GLI3: variants seen among roughly 807,000 people sequenced by gnomAD.
The protein encoded by GLI3 is transcription activator GLI3.
In GLI3, 20 loss-of-function variants were observed where a neutral mutation model predicts 100.8. The ratio of observed to expected loss-of-function variants is 0.20; its 90% confidence interval spans 0.14 to 0.29. The LOEUF (loss-of-function observed/expected upper bound fraction) is 0.29, where lower values mean the gene tolerates loss of function less well. Ranked by LOEUF, GLI3 falls within the 10% of genes least tolerant of loss-of-function variation. The pLI is 1.00. For missense variants in GLI3, 2,040 were observed against 2,128.5 expected (o/e 0.96, Z 0.82); for synonymous variants, 938 against 860.5 (o/e 1.09, Z -1.58).
intron 1 of GLI3, among the ~76,000 whole-genome samples, chr7:42,235,376 G>A (rs1180931054): frequency 3.3e-5 from 5 of 152,176 alleles, no homozygotes; most frequent in Non-Finnish European, 5.9e-5. Flanking sequence ...GAGGATGAAT[G>A]GTTCCTGCCT....
At chr7:42,053,737 G>C (rs1784397905) in intron 4 of GLI3, among the ~76,000 whole-genome samples, 1 of 152,184 alleles carries the variant, frequency 6.6e-6, no homozygotes, top group Non-Finnish European at 1.5e-5. Flanking sequence ...ACAAACCAGG[G>C]AGGAAAGAAC....
At chr7:42,111,939 A>C (rs1334178216) in intron 3 of GLI3, among the ~76,000 whole-genome samples, 1 of 152,198 alleles carries the variant, frequency 6.6e-6, no homozygotes, top group African/African-American at 2.4e-5. Context: ...CCTAGTGCTT[A>C]GCTCCAGGGT....
At chr7:42,148,771 T>C (rs1355193941) in intron 2 of GLI3, among the ~76,000 whole-genome samples, 1 of 152,166 alleles carries the variant, frequency 6.6e-6, no homozygotes, top group African/African-American at 2.4e-5. Flanking sequence ...GGTCTGCCCA[T>C]GAGGTTTCTG....
chr7:42,041,498 C>T (rs1476430898), intron 6 of GLI3, among the ~76,000 whole-genome samples: 1 of 152,164 alleles, frequency 6.6e-6, no homozygotes, highest in African/African-American at 2.4e-5. Flanking sequence ...AACATAATCT[C>T]ACCACGTAGG....
chr7:41,995,110 T>A (rs1372264030), intron 10 of GLI3, among the ~76,000 whole-genome samples: 2 of 152,248 alleles, frequency 1.3e-5, no homozygotes, highest in East Asian at 3.9e-4. Context: ...AGTTATTTTA[T>A]CTAAAGTACA....
intron 12 of GLI3, among the ~76,000 whole-genome samples, chr7:41,974,709 C>T (rs181325152): frequency 4.1e-4 from 63 of 152,310 alleles, no homozygotes; most frequent in Admixed American, 2.3e-3. Context: ...GCCCAGCTCA[C>T]GGGATTATCA....
chr7:42,115,333 T>C (rs1265953248), intron 3 of GLI3, among the ~76,000 whole-genome samples: 1 of 151,824 alleles, frequency 6.6e-6, no homozygotes, highest in Non-Finnish European at 1.5e-5. Flanking sequence ...AGAGACAGGG[T>C]TTCACCATAT....
Position 42,036,805 on chromosome 7 carries a change from T to C in GLI3, c.1028+3233A>G, listed in dbSNP as rs528956520. ...TGCTGATGCCCACCAGGCACGGAAC[T>C]TTGCTAACTTCATCTTGCAAAGACC... On this transcript the variant is annotated intron_variant, in intron 7 of 14. Coordinates refer to ENST00000395925, the MANE Select transcript of GLI3 (RefSeq NM_000168.6). 1.4e-4 allele frequency among the ~76,000 whole-genome samples: 21 copies of C among 152,292 alleles called. No individual in the cohort carries two copies. The South Asian group carries it at 3.9e-3, about 29-fold the overall frequency.
At position 41,966,185 on chromosome 7, in the gene GLI3, G is replaced by A. The variant is rs774346793; in HGVS notation, c.2888C>T (p.Ala963Val). 3.1e-6 allele frequency: 5 copies of A among 1,603,712 alleles called. No homozygotes were observed. In the Admixed American group the frequency reaches 5.0e-5, roughly 16 times the overall value. Residue 963 changes from alanine (A) to valine (V), a missense_variant, in exon 15 of 15, where the codon GCC becomes GTC. This residue lies in a region of GLI3 where 1,041 missense variants were observed against 924.0 expected (regional missense o/e 1.13). Coordinates refer to ENST00000395925, the MANE Select transcript of GLI3 (RefSeq NM_000168.6). The surrounding 1 kb of genome is among the most constrained non-coding windows in gnomAD (Gnocchi z 5.8). ...AGGCAGGGCCACGCCAGGCTCGAGG[G>A]CATCCCCGAGCAGCGCCAGGCGCGT... is the stretch of plus-strand genomic sequence containing the variant. The part of the protein sequence containing the change: ...LKTRLALLGD[A>V]LEPGVALPPV...
chr7:42,179,782 G>A (rs545890673), intron 2 of GLI3, among the ~76,000 whole-genome samples: 5 of 152,268 alleles, frequency 3.3e-5, no homozygotes, highest in South Asian at 4.1e-4. Context: ...ATGTTCCACC[G>A]TTGGGAGCCT....
chr7:42,232,382 A>G (rs528639733), intron 1 of GLI3, among the ~76,000 whole-genome samples: 1 of 152,346 alleles, frequency 6.6e-6, no homozygotes, highest in Non-Finnish European at 1.5e-5. Context: ...TCAGAGCAGT[A>G]ATTCTACAAG....
intron 9 of GLI3, among the ~76,000 whole-genome samples, chr7:42,024,163 C>T (rs533746001): frequency 6.6e-6 from 1 of 152,230 alleles, no homozygotes; most frequent in South Asian, 2.1e-4. Flanking sequence ...AGGGATAATG[C>T]CCTCTCGATT....
At chr7:42,200,802 T>C (rs1365574936) in intron 2 of GLI3, among the ~76,000 whole-genome samples, 1 of 118,556 alleles carries the variant, frequency 8.4e-6, no homozygotes, top group East Asian at 3.6e-4. Flanking sequence ...TCAAAACTTT[T>C]CAGAAAAAAA....
intron 2 of GLI3, among the ~76,000 whole-genome samples, chr7:42,195,320 T>C (rs892876432): frequency 9.2e-5 from 14 of 152,206 alleles, no homozygotes; most frequent in African/African-American, 3.1e-4. Context: ...CTAGACTCTA[T>C]TTAGCCAGCT....
At chr7:42,022,813 G>C (rs141834138) in intron 10 of GLI3, among the ~76,000 whole-genome samples, 23 of 152,310 alleles carry the variant, frequency 1.5e-4, no homozygotes, top group African/African-American at 5.3e-4. Flanking sequence ...TTTTTGAAAT[G>C]ATATGCAGGA....
intron 3 of GLI3, among the ~76,000 whole-genome samples, chr7:42,077,104 C>T (rs1350612105): frequency 6.6e-6 from 1 of 152,024 alleles, no homozygotes; most frequent in Non-Finnish European, 1.5e-5. Flanking sequence ...AACCCAGACA[C>T]GAAAGCAAGA....
intron 2 of GLI3, among the ~76,000 whole-genome samples, chr7:42,162,261 C>G (rs1456475593): frequency 1.3e-5 from 2 of 152,128 alleles, no homozygotes; most frequent in African/African-American, 2.4e-5. Flanking sequence ...TGGAAAGTCT[C>G]TAGTTCAAAT....
chr7:42,245,797 C>A (rs1395235552), intron 1 of GLI3, among the ~76,000 whole-genome samples: 1 of 151,698 alleles, frequency 6.6e-6, no homozygotes, highest in Non-Finnish European at 1.5e-5. Context: ...AACTTGATTT[C>A]ATCACCCCTT....
At chr7:42,035,169 C>T (rs147239228) in intron 7 of GLI3, among the ~76,000 whole-genome samples, 74 of 125,688 alleles carry the variant, frequency 5.9e-4, no homozygotes, top group African/African-American at 2.4e-3. Flanking sequence ...ATTTTAAAGA[C>T]GTCGGTAATT....
Sources: allele counts gnomAD v4.1 joint callset (sites outside exome capture counted in the v4.1 genomes callset), GRCh38; gene constraint gnomAD v4.1.1; regional missense constraint gnomAD v4.1.1; non-coding constraint Gnocchi (gnomAD v3.1); transcripts MANE v1.5; gene names NCBI Gene and HGNC (gene_info 2026-07-23, HGNC 2026-07-21).